Variants in SH3GL3 observed in about 807,000 individuals in gnomAD.
The protein encoded by SH3GL3 is SH3 domain containing GRB2 like 3, endophilin A3.
Under a neutral mutation model 47.7 loss-of-function variants are expected in SH3GL3, and 33 were observed. The ratio of observed to expected loss-of-function variants is 0.69; its 90% confidence interval spans 0.52 to 0.92. The LOEUF is 0.92. Among genes scored for constraint, SH3GL3 ranks in the 40% least tolerant of loss-of-function variants. SH3GL3 has a pLI of 0.00. For synonymous variants in SH3GL3, 155 were observed against 148.8 expected (o/e 1.04, Z -0.30); for missense variants, 363 against 417.8 (o/e 0.87, Z 1.14).
At chr15:83,630,536 C>T in the SH3GL3 span, among the ~76,000 whole-genome samples, 1 of 151,998 alleles carries the variant, frequency 6.6e-6, no homozygotes, top group East Asian at 1.9e-4. Flanking sequence ...GCTGGGGAGG[C>T]CTCAGGAAAC....
intron 1 of SH3GL3, among the ~76,000 whole-genome samples, chr15:83,501,321 C>G (rs937135164): frequency 2.0e-5 from 3 of 152,158 alleles, no homozygotes; most frequent in African/African-American, 7.2e-5. Context: ...CATACATAAG[C>G]TGAACTTTAA....
At chr15:83,557,755 G>C (rs966905157) in intron 1 of SH3GL3, among the ~76,000 whole-genome samples, 1 of 152,182 alleles carries the variant, frequency 6.6e-6, no homozygotes, top group Non-Finnish European at 1.5e-5. Context: ...AAGCACACAA[G>C]ATCTCTTCCT....
intron 1 of SH3GL3, among the ~76,000 whole-genome samples, chr15:83,482,597 G>A (rs1008088563): frequency 1.8e-4 from 27 of 151,898 alleles, no homozygotes; most frequent in African/African-American, 6.5e-4. Flanking sequence ...AGGTTCAAGC[G>A]ATTCTCCTGC....
At chr15:83,520,797 C>T (rs190060248) in intron 1 of SH3GL3, among the ~76,000 whole-genome samples, 2 of 152,236 alleles carry the variant, frequency 1.3e-5, no homozygotes, top group East Asian at 3.9e-4. Flanking sequence ...TTTAGATGCT[C>T]TTACCTCTCC....
rs148177117 is a variant in SH3GL3, at chr15:83,494,903, G to A, written c.45+47325G>A. Among the ~76,000 whole-genome samples, 37 of 152,210 alleles carry A rather than the reference G, an allele frequency of 2.4e-4. No homozygotes were observed. In the East Asian group the frequency reaches 7.2e-3, roughly 29 times the overall value. ...ATTGACAGTTTGTCCTCAACAGCAT[G>A]GGCAGAGATGGGATCCTGGCTGCTG... On this transcript the variant is annotated intron_variant, in intron 1 of 8. Transcript: ENST00000427482.
At chr15:83,632,485 A>T in the SH3GL3 span, among the ~76,000 whole-genome samples, 1 of 152,198 alleles carries the variant, frequency 6.6e-6, no homozygotes, top group Non-Finnish European at 1.5e-5. Context: ...ACACTGCTAT[A>T]AAGAACTGCC....
intron 8 of SH3GL3, among the ~76,000 whole-genome samples, chr15:83,598,412 T>C (rs1387207024): frequency 6.6e-6 from 1 of 152,234 alleles, no homozygotes; most frequent in African/African-American, 2.4e-5. Flanking sequence ...GGCATTCTTG[T>C]ATTCCTCATA....
At chr15:83,617,263 C>T (rs987906601) in intron 8 of SH3GL3, among the ~76,000 whole-genome samples, 7 of 152,208 alleles carry the variant, frequency 4.6e-5, no homozygotes, top group Admixed American at 4.6e-4. Flanking sequence ...TGGTTTCTCT[C>T]CTCCCGGCCC....
intron 1 of SH3GL3, among the ~76,000 whole-genome samples, chr15:83,496,590 T>A (rs2042089256): frequency 6.6e-6 from 1 of 152,124 alleles, no homozygotes; most frequent in South Asian, 2.1e-4. Flanking sequence ...ATGTCACTCT[T>A]GTCACGCTGA....
At chr15:83,518,881 A>G (rs1410351210) in intron 1 of SH3GL3, among the ~76,000 whole-genome samples, 5 of 152,174 alleles carry the variant, frequency 3.3e-5, no homozygotes, top group Non-Finnish European at 1.5e-5. Flanking sequence ...GAGGTTTTAT[A>G]TTTAAATCTT....
chr15:83,518,964 G>T (rs1338280582), intron 1 of SH3GL3, among the ~76,000 whole-genome samples: 1 of 151,966 alleles, frequency 6.6e-6, no homozygotes, highest in Non-Finnish European at 1.5e-5. Context: ...CATGTGGCTA[G>T]CCAGCTATCC....
In SH3GL3 at chr15:83,562,590, A is replaced by T. The variant is rs1374301979; in HGVS notation, c.115-2544A>T. Among the ~76,000 whole-genome samples, 4 of 152,204 alleles carry T rather than the reference A, an allele frequency of 2.6e-5. No individual in the cohort carries two copies. In the East Asian group the frequency reaches 5.8e-4, roughly 22 times the overall value. On this transcript the variant is annotated intron_variant, in intron 2 of 8. Transcript: ENST00000427482. ...TTTCCAAATTTAGTAATTTTGCTATATGATGAAAATCATTATAGTTAATTT... is the reference window on the plus strand; with the variant it reads ...TTTCCAAATTTAGTAATTTTGCTATTTGATGAAAATCATTATAGTTAATTT...
At chr15:83,629,318 T>G in the SH3GL3 span, among the ~76,000 whole-genome samples, 2 of 152,138 alleles carry the variant, frequency 1.3e-5, no homozygotes, top group African/African-American at 4.8e-5. Context: ...ATGTGTAAAA[T>G]AGAGTCATCA....
At chr15:83,493,222 T>G (rs2041947323) in intron 1 of SH3GL3, among the ~76,000 whole-genome samples, 1 of 152,140 alleles carries the variant, frequency 6.6e-6, no homozygotes, top group African/African-American at 2.4e-5. Flanking sequence ...TTTAAAATAA[T>G]CCAGTGGTGG....
intron 1 of SH3GL3, among the ~76,000 whole-genome samples, chr15:83,547,090 C>T (rs778510843): frequency 1.2e-4 from 18 of 152,180 alleles, no homozygotes; most frequent in Non-Finnish European, 2.4e-4. Flanking sequence ...ACCCCAGTTC[C>T]ACTGGCTGTA....
chr15:83,595,273 T>C (rs1357519718), intron 8 of SH3GL3, among the ~76,000 whole-genome samples: 3 of 152,152 alleles, frequency 2.0e-5, no homozygotes, highest in Admixed American at 2.0e-4. Flanking sequence ...ATACTGCATG[T>C]TCTCACTTGT....
At chr15:83,461,597 G>A (rs576204277) in intron 1 of SH3GL3, among the ~76,000 whole-genome samples, 14 of 150,232 alleles carry the variant, frequency 9.3e-5, no homozygotes, top group East Asian at 7.7e-4. Flanking sequence ...AAAACTATTC[G>A]TGAGTATTTT....
chr15:83,550,101 C>T (rs540153561), intron 1 of SH3GL3, among the ~76,000 whole-genome samples: 1 of 152,306 alleles, frequency 6.6e-6, no homozygotes, highest in East Asian at 1.9e-4. Flanking sequence ...TCGTCTTTCC[C>T]TAATGTTAAC....
chr15:83,602,451 A>G (rs2060410919), intron 8 of SH3GL3, among the ~76,000 whole-genome samples: 1 of 152,216 alleles, frequency 6.6e-6, no homozygotes, highest in South Asian at 2.1e-4. Context: ...GACACCTTCT[A>G]GCTGTGTCCT....
Sources: gnomAD v4.1 joint callset for allele counts (sites outside exome capture counted in the v4.1 genomes callset) on GRCh38, gnomAD v4.1.1 for gene constraint, MANE v1.5 for transcripts, NCBI Gene and HGNC (gene_info 2026-07-23, HGNC 2026-07-21) for gene names.